Variants in ADAM18 observed in about 807,000 individuals in gnomAD.
The protein encoded by ADAM18 is disintegrin and metalloproteinase domain-containing protein 18.
ADAM18 carries 117 observed loss-of-function variants against 94.4 expected under a neutral mutation model. That is an observed-to-expected ratio of 1.24 (90% CI 1.07 to 1.45). ADAM18 has a LOEUF of 1.45. Among genes scored for constraint, ADAM18 ranks in the 40% most tolerant of loss-of-function variants. The probability of loss-of-function intolerance (pLI) is 0.00; values close to 1 mark genes in which losing one functional copy is unlikely to be tolerated. For missense variants in ADAM18, 936 were observed against 880.0 expected (o/e 1.06, Z -0.81); for synonymous variants, 327 against 291.6 (o/e 1.12, Z -1.24).
intron 17 of ADAM18, among the ~76,000 whole-genome samples, chr8:39,698,078 T>C (rs1431231334): frequency 1.3e-5 from 2 of 151,894 alleles, no homozygotes; most frequent in African/African-American, 4.8e-5. Context: ...ATTTATGGTT[T>C]TGTACTGTGT....
At chr8:39,717,099 G>A (rs2085575531) in intron 18 of ADAM18, among the ~76,000 whole-genome samples, 1 of 151,778 alleles carries the variant, frequency 6.6e-6, no homozygotes, top group Admixed American at 6.6e-5. Context: ...TTTTGTGTGT[G>A]TGAAATTTGT....
chr8:39,654,208 A>G (rs1585943873), intron 12 of ADAM18, among the ~76,000 whole-genome samples: 1 of 123,118 alleles, frequency 8.1e-6, no homozygotes, highest in South Asian at 2.4e-4. Flanking sequence ...CCAGGGCTGG[A>G]GTGCAGTGGC....
At chr8:39,651,757 C>T (rs1032460407) in intron 12 of ADAM18, among the ~76,000 whole-genome samples, 14 of 152,090 alleles carry the variant, frequency 9.2e-5, no homozygotes, top group African/African-American at 3.1e-4. Context: ...CTTTTCCCCA[C>T]AAAATTTATA....
intron 17 of ADAM18, 95 bp from the exon 18 acceptor site, chr8:39,706,695 C>G (rs968297060): frequency 1.5e-5 from 8 of 549,756 alleles, no homozygotes; most frequent in African/African-American, 1.3e-4. Flanking sequence ...AATAATTATT[C>G]TATGAAATTT....
At chr8:39,619,966 A>G (rs1819559557) in intron 6 of ADAM18, among the ~76,000 whole-genome samples, 1 of 152,280 alleles carries the variant, frequency 6.6e-6, no homozygotes, top group African/African-American at 2.4e-5. Flanking sequence ...AATATACTAT[A>G]AAGCTATAGT....
At chr8:39,655,146 G>A (rs760035438) in intron 12 of ADAM18, among the ~76,000 whole-genome samples, 7 of 151,948 alleles carry the variant, frequency 4.6e-5, no homozygotes, top group Non-Finnish European at 8.8e-5. Flanking sequence ...TCTTCTGGTA[G>A]TTTCATATTT....
intron 7 of ADAM18, among the ~76,000 whole-genome samples, chr8:39,630,304 T>A (rs1819897198): frequency 6.6e-6 from 1 of 151,542 alleles, no homozygotes; most frequent in African/African-American, 2.4e-5. Flanking sequence ...GAATTCATAT[T>A]TTAATGGAAA....
chr8:39,704,414 C>A (rs1822178229), intron 17 of ADAM18, among the ~76,000 whole-genome samples: 1 of 152,048 alleles, frequency 6.6e-6, no homozygotes, highest in South Asian at 2.1e-4. Flanking sequence ...ATATGGAAAT[C>A]AATAGATGTG....
chr8:39,672,805 G>A (rs551211425), intron 14 of ADAM18, among the ~76,000 whole-genome samples: 3 of 152,140 alleles, frequency 2.0e-5, no homozygotes, highest in Non-Finnish European at 4.4e-5. Context: ...AAAAACTAGT[G>A]GACACAGACT....
intron 6 of ADAM18, 25 bp from the exon 7 acceptor site, chr8:39,629,349 A>G: frequency 6.6e-7 from 1 of 1,516,514 alleles, no homozygotes; most frequent in Middle Eastern, 1.8e-4. Flanking sequence ...AACATTTTAT[A>G]AATCCCGTTG....
intron 5 of ADAM18, among the ~76,000 whole-genome samples, chr8:39,610,281 T>C (rs1322468067): frequency 6.6e-6 from 1 of 152,112 alleles, no homozygotes; most frequent in East Asian, 1.9e-4. Flanking sequence ...CCTTAATTAA[T>C]GTGATTGCCT....
At chr8:39,718,735 T>A (rs1167476544) in intron 18 of ADAM18, among the ~76,000 whole-genome samples, 4 of 114,402 alleles carry the variant, frequency 3.5e-5, no homozygotes, top group South Asian at 5.3e-4. Flanking sequence ...AAATAAAAAA[T>A]TTCACAAAAA....
chr8:39,726,693 G>A (rs1431279321), intron 19 of ADAM18, among the ~76,000 whole-genome samples: 42 of 152,012 alleles, frequency 2.8e-4, no homozygotes, highest in Non-Finnish European at 2.9e-5. Context: ...TAAGGATTAG[G>A]CTTTAATCTC....
chr8:39,633,950 T>G (rs974508118), intron 7 of ADAM18, among the ~76,000 whole-genome samples: 1 of 152,044 alleles, frequency 6.6e-6, no homozygotes, highest in Non-Finnish European at 1.5e-5. Context: ...AGCTGCTATT[T>G]ATCAACACAA....
intron 12 of ADAM18, among the ~76,000 whole-genome samples, chr8:39,651,236 A>G (rs1281382222): frequency 6.6e-6 from 1 of 152,156 alleles, no homozygotes; most frequent in East Asian, 1.9e-4. Context: ...CGGGTTTTAC[A>G]CCAAGACGTT....
At chr8:39,641,391 T>A (rs1820231785) in intron 10 of ADAM18, among the ~76,000 whole-genome samples, 1 of 152,120 alleles carries the variant, frequency 6.6e-6, no homozygotes, top group South Asian at 2.1e-4. Context: ...TTTTGGTTAC[T>A]GTAGCTTTGT....
At chr8:39,586,468 C>T (rs1228579143) in intron 2 of ADAM18, among the ~76,000 whole-genome samples, 1 of 152,150 alleles carries the variant, frequency 6.6e-6, no homozygotes, top group East Asian at 1.9e-4. Context: ...TTTCTGCCAA[C>T]ACAATCCCAT....
At chr8:39,670,929 C>G (rs1238566916) in intron 14 of ADAM18, among the ~76,000 whole-genome samples, 1 of 152,172 alleles carries the variant, frequency 6.6e-6, no homozygotes, top group Non-Finnish European at 1.5e-5. Context: ...CCTCTTTTGG[C>G]CCAATCAAAC....
intron 11 of ADAM18, among the ~76,000 whole-genome samples, chr8:39,646,988 G>A (rs1383570117): frequency 1.3e-5 from 2 of 152,020 alleles, no homozygotes; most frequent in African/African-American, 4.8e-5. Context: ...AAATGTGAAG[G>A]GGTGGCCTGC....
Sources: gnomAD v4.1 joint callset for allele counts (sites outside exome capture counted in the v4.1 genomes callset) on GRCh38, gnomAD v4.1.1 for gene constraint, MANE v1.5 for transcripts, NCBI Gene and HGNC (gene_info 2026-07-23, HGNC 2026-07-21) for gene names.